Variants in DNAJB12 observed in about 807,000 individuals in gnomAD.
The protein encoded by DNAJB12 is dnaJ homolog subfamily B member 12.
A neutral mutation model predicts 40.6 loss-of-function variants in DNAJB12; 14 were observed. The observed-to-expected ratio is 0.34, with a 90% CI of 0.23 to 0.54. The LOEUF is 0.54. Ranked by LOEUF, DNAJB12 falls within the 20% of genes least tolerant of loss-of-function variation. The probability of loss-of-function intolerance (pLI) is 0.92; values close to 1 mark genes in which losing one functional copy is unlikely to be tolerated. For missense variants in DNAJB12, 444 were observed against 501.7 expected, an observed-to-expected ratio of 0.89 and a Z score of 1.10; for synonymous variants, 181 against 199.5, an observed-to-expected ratio of 0.91 and a Z score of 0.78.
chr10:72,339,807 G>A (rs1333709642), intron 5 of DNAJB12, among the ~76,000 whole-genome samples: 1 of 150,668 alleles, frequency 6.6e-6, no homozygotes, highest in Admixed American at 6.6e-5. Context: ...TCTGCCTCCT[G>A]GGTTCAAGTG....
At position 72,354,778 on chromosome 10, in the gene DNAJB12, C is replaced by G. The variant is rs142855784; in HGVS notation, c.120G>C (p.Thr40=). The G allele has an allele frequency of 0.016, 25,116 of 1,612,590 alleles. 225 individuals carry two copies. Among genetic ancestry groups the G allele is most frequent in the Admixed American group, 0.019 (1,134 of 60,000 alleles). ...FLEKAQRLYP[T]PRVRALIESL... ...CCTCACACTCACCGCGAACTCGCGG[C>G]GTCGGATACAGCCGCTGTGCCTTCT... Residue 40 remains threonine, a synonymous_variant, in exon 1 of 9, where the codon ACG becomes ACC. Transcript: ENST00000444643.
At chr10:72,343,275 T>C in intron 3 of DNAJB12, 91 bp downstream of exon 3, 2 of 1,497,612 alleles carry the variant, frequency 1.3e-6, no homozygotes. Context: ...TCCTGCTCCC[T>C]GCTTCCTGGG....
chr10:72,336,896 C>T (rs1589123183), intron 6 of DNAJB12, 200 bp from the exon 7 acceptor site: 2 of 483,434 alleles, frequency 4.1e-6, no homozygotes, highest in South Asian at 3.4e-5. Context: ...TGGCCCAGAC[C>T]GCAGGACGCC....
At chr10:72,354,558 C>T (rs1159732297) in intron 1 of DNAJB12, among the ~76,000 whole-genome samples, 3 of 152,200 alleles carry the variant, frequency 2.0e-5, no homozygotes, top group Non-Finnish European at 4.4e-5. Flanking sequence ...GCTGAAGTCC[C>T]GGCCGCCCGA....
chr10:72,341,218 G>C, intron 3 of DNAJB12, 48 bp from the exon 4 acceptor site: 1 of 1,561,408 alleles, frequency 6.4e-7, no homozygotes, highest in Non-Finnish European at 8.7e-7. Context: ...GGGGTGCGGG[G>C]GGAGGCTCCC....
intron 1 of DNAJB12, among the ~76,000 whole-genome samples, chr10:72,345,362 G>A (rs1219817384): frequency 6.6e-6 from 1 of 152,176 alleles, no homozygotes; most frequent in Non-Finnish European, 1.5e-5. Flanking sequence ...AGCATTTTGG[G>A]AGGCTGAGGC....
Position 72,336,585 on chromosome 10 carries a change from C to G in DNAJB12, c.945G>C (p.Arg315=). 1 of 1,614,196 alleles carries G rather than the reference C, an allele frequency of 6.2e-7. No homozygotes were observed. The change falls in exon 7 of 9, where the codon CGG becomes CGC. Residue 315 remains arginine (R), a synonymous_variant. Transcript: ENST00000444643. The part of the protein sequence containing the change: ...YTGSSLKTVE[R]NVEDDYIANL... ...TGGCGATATAATCATCTTCCACATT[C>G]CGCTCGACTGTTTTGAGGCTGGAGC...
intron 6 of DNAJB12, 185 bp from the exon 7 acceptor site, chr10:72,336,881 A>G: frequency 1.9e-6 from 1 of 527,736 alleles, no homozygotes; most frequent in South Asian, 2.7e-5. Flanking sequence ...GTCCTCCCAC[A>G]CACGTGGCCC....
chr10:72,338,988 A>G (rs2131983293), intron 5 of DNAJB12, among the ~76,000 whole-genome samples: 1 of 152,010 alleles, frequency 6.6e-6, no homozygotes, highest in Non-Finnish European at 1.5e-5. Context: ...GATCAGGGGC[A>G]ATGGCTCATG....
chr10:72,344,535 A>G (rs971759968), intron 2 of DNAJB12, among the ~76,000 whole-genome samples: 3 of 152,018 alleles, frequency 2.0e-5, no homozygotes, highest in East Asian at 3.9e-4. Context: ...TCTCCATTCT[A>G]CCCCACACAG....
chr10:72,336,065 GA>G, intron 7 of DNAJB12, 134 bp from the exon 8 acceptor site: 3 of 1,105,216 alleles, frequency 2.7e-6, no homozygotes, highest in Non-Finnish European at 4.0e-6. Context: ...CTCCCATTAG[GA>G]AGACCATGGA....
Position 72,335,337 on chromosome 10 carries a change from G to A in DNAJB12, c.*30+443C>T, listed in dbSNP as rs370495813. ...ACCTATTCCCACATGGTTCTTCCTG[G>A]TATCAGGCAGGCAGTGTGCATATGG... On this transcript the variant is annotated intron_variant, in intron 8 of 8. Coordinates refer to ENST00000444643, the MANE Select transcript of DNAJB12 (RefSeq NM_017626.7). This position sits in a 1 kb window ranked among gnomAD's most constrained non-coding sequence, Gnocchi z 4.4. 82 of 989,112 alleles carry A rather than the reference G, an allele frequency of 8.3e-5. 1 individual carries two copies. The African/African-American group carries it at 1.4e-3, about 16-fold the overall frequency. 61.3% of individuals were successfully genotyped at this position (989,112 alleles called of 1,614,324 possible). A position where few individuals can be genotyped will look rare whatever the true frequency, so the allele number is the denominator to read the frequency against.
At chr10:72,337,351 G>A (rs1400656557) in intron 6 of DNAJB12, among the ~76,000 whole-genome samples, 1 of 152,198 alleles carries the variant, frequency 6.6e-6, no homozygotes, top group Admixed American at 6.5e-5. Context: ...GGCTGAGAAG[G>A]GTCCTGCCAG....
intron 8 of DNAJB12, chr10:72,334,845 G>T: frequency 1.5e-6 from 2 of 1,345,732 alleles, no homozygotes; most frequent in South Asian, 3.9e-5. Context: ...CACAGGCAAA[G>T]GAGGGGGTGG....
chr10:72,348,598 A>G (rs1396630138), intron 1 of DNAJB12, among the ~76,000 whole-genome samples: 1 of 152,204 alleles, frequency 6.6e-6, no homozygotes, highest in African/African-American at 2.4e-5. Context: ...CTGGGAACAG[A>G]GTATGGGGCT....
intron 1 of DNAJB12, 118 bp from the exon 2 acceptor site, chr10:72,345,245 G>A: frequency 1.7e-6 from 2 of 1,206,880 alleles, no homozygotes; most frequent in South Asian, 1.5e-5. Flanking sequence ...CTCCTGCCCT[G>A]ATTAGGCCTG....
Position 72,354,665 on chromosome 10 carries a change from T to A in DNAJB12, c.133+100A>T, listed in dbSNP as rs2132013320. ...CTCAGTGCGCAGGCGTAGCCGCGCC[T>A]CGCCACCCCTCCCCCTCCCCCAACT... On this transcript the variant is annotated intron_variant, in intron 1 of 8. Transcript: ENST00000444643. The A allele has an allele frequency of 1.1e-5, 13 of 1,162,980 alleles. No individual in the cohort carries two copies. In the South Asian group the frequency reaches 1.4e-4, roughly 12 times the overall value. 72.0% of individuals were successfully genotyped at this position (1,162,980 alleles called of 1,614,324 possible).
At chr10:72,352,974 C>T (rs1025795452) in intron 1 of DNAJB12, among the ~76,000 whole-genome samples, 1 of 152,244 alleles carries the variant, frequency 6.6e-6, no homozygotes, top group Non-Finnish European at 1.5e-5. Context: ...CAGACCTAAA[C>T]TAATCCCAGG....
Position 72,338,193 on chromosome 10 carries a change from T to G in DNAJB12, c.833+9A>C. Reference sequence around the variant, plus strand: ...TCTGCCCATGGCCCGGCCTCACCCATGTACTCACGGTCTTGGACTCAGACT... The same window carrying G: ...TCTGCCCATGGCCCGGCCTCACCCAGGTACTCACGGTCTTGGACTCAGACT... On this transcript the variant is annotated intron_variant, in intron 6 of 8. Coordinates refer to ENST00000444643, the MANE Select transcript of DNAJB12 (RefSeq NM_017626.7). 1.9e-6 allele frequency: 3 copies of G among 1,612,512 alleles called. No individual in the cohort carries two copies. Among genetic ancestry groups the G allele is most frequent in the Non-Finnish European group, 2.5e-6 (3 of 1,178,620 alleles).
Sources: allele counts gnomAD v4.1 joint callset (sites outside exome capture counted in the v4.1 genomes callset), GRCh38; gene constraint gnomAD v4.1.1; non-coding constraint Gnocchi (gnomAD v3.1); transcripts MANE v1.5; gene names NCBI Gene and HGNC (gene_info 2026-07-23, HGNC 2026-07-21).